DPP10: variants seen among roughly 807,000 people sequenced by gnomAD.
DPP10 encodes inactive dipeptidyl peptidase 10.
DPP10 carries 33 observed loss-of-function variants against 120.9 expected under a neutral mutation model. That is an observed-to-expected ratio of 0.27 (90% CI 0.21 to 0.37). DPP10 has a LOEUF of 0.37. DPP10 is among the 10% of genes least tolerant of loss of function. The pLI, the probability that DPP10 is intolerant of heterozygous loss-of-function variation, is 1.00. For synonymous variants in DPP10, 337 were observed against 326.1 expected (o/e 1.03, Z -0.36); for missense variants, 816 against 942.8 (o/e 0.87, Z 1.76).
intron 1 of DPP10, among the ~76,000 whole-genome samples, chr2:114,996,434 T>C (rs187759531): frequency 1.3e-5 from 2 of 152,352 alleles, no homozygotes; most frequent in African/African-American, 4.8e-5. Context: ...AGACATTTAC[T>C]TTTTAATGTT....
chr2:115,769,657 A>T (rs982673249), intron 13 of DPP10, among the ~76,000 whole-genome samples: 1 of 151,980 alleles, frequency 6.6e-6, no homozygotes, highest in East Asian at 1.9e-4. Flanking sequence ...GCATTTATAG[A>T]TGCATTTATA....
intron 1 of DPP10, among the ~76,000 whole-genome samples, chr2:114,740,350 A>C (rs1422956910): frequency 3.7e-5 from 4 of 108,856 alleles, no homozygotes; most frequent in Admixed American, 2.4e-4. Context: ...CACTCTGGGG[A>C]CTGTTGTGGG....
At chr2:115,588,989 C>A (rs779246912) in intron 5 of DPP10, among the ~76,000 whole-genome samples, 2 of 151,810 alleles carry the variant, frequency 1.3e-5, no homozygotes, top group African/African-American at 4.8e-5. Context: ...ACTTGTAAAA[C>A]GAAAAATTGG....
chr2:115,815,353 C>G (rs927992258), intron 20 of DPP10, among the ~76,000 whole-genome samples: 1 of 152,076 alleles, frequency 6.6e-6, no homozygotes, highest in Admixed American at 6.5e-5. Context: ...AATGTGTGAC[C>G]TAAGAAAGTT....
rs1282090784 is a variant in DPP10 at position 114,583,280 on chromosome 2, C to T, written c.60+140442C>T. 7.2e-5 allele frequency among the ~76,000 whole-genome samples: 11 copies of T among 152,204 alleles called. No homozygotes were observed. The East Asian group carries it at 1.9e-3, about 27-fold the overall frequency. Reference sequence around the variant, plus strand: ...CCTGCCTTGTATTTTTGTTAACAGACTGACAGAAATTGGTGCCTGGCCTAT... The same window carrying T: ...CCTGCCTTGTATTTTTGTTAACAGATTGACAGAAATTGGTGCCTGGCCTAT... On this transcript the variant is annotated intron_variant, in intron 1 of 25. Coordinates refer to ENST00000410059, the MANE Select transcript of DPP10 (RefSeq NM_020868.6).
At chr2:115,534,157 T>G (rs1026058990) in intron 5 of DPP10, among the ~76,000 whole-genome samples, 1 of 152,010 alleles carries the variant, frequency 6.6e-6, no homozygotes, top group African/African-American at 2.4e-5. Context: ...ATGTGCACAA[T>G]GTGCAGGTTA....
In DPP10 at chr2:115,112,110, T is replaced by C. The variant is rs1165570677; in HGVS notation, c.61-197129T>C. On this transcript the variant is annotated intron_variant, in intron 1 of 25. Coordinates refer to ENST00000410059, the MANE Select transcript of DPP10 (RefSeq NM_020868.6). ...CCTTCCCTTCTCTGAAGATAATCTT[T>C]TTCTAATTTATTTCCTTGTTTCTTT... Among the ~76,000 whole-genome samples the C allele has an allele frequency of 2.0e-5, 3 of 152,294 alleles. No homozygotes were observed. In the East Asian group the frequency reaches 5.8e-4, roughly 29 times the overall value.
At chr2:114,614,683 C>T (rs1693547323) in intron 1 of DPP10, among the ~76,000 whole-genome samples, 1 of 152,124 alleles carries the variant, frequency 6.6e-6, no homozygotes. Flanking sequence ...TTTCGGGATA[C>T]TCCGGGAAGT....
chr2:115,838,225 AAG>A (rs1461199517), intron 24 of DPP10, among the ~76,000 whole-genome samples: 1 of 152,164 alleles, frequency 6.6e-6, no homozygotes, highest in African/African-American at 2.4e-5. Context: ...AACATGATGA[AAG>A]AGAGCGTAAA....
intron 1 of DPP10, among the ~76,000 whole-genome samples, chr2:114,890,877 A>G (rs1374886113): frequency 1.3e-5 from 2 of 152,176 alleles, no homozygotes; most frequent in Non-Finnish European, 2.9e-5. Flanking sequence ...ACTGGTTTTC[A>G]GCTGCCAGCA....
At chr2:115,739,708 G>A in intron 8 of DPP10, 31 bp from the exon 9 acceptor site, 1 of 1,609,188 alleles carries the variant, frequency 6.2e-7, no homozygotes, top group Non-Finnish European at 8.5e-7. Flanking sequence ...CATCTCTACA[G>A]TTGGTCTCAA....
At chr2:115,414,564 T>C (rs1521074) in intron 3 of DPP10, among the ~76,000 whole-genome samples, 4 of 152,170 alleles carry the variant, frequency 2.6e-5, no homozygotes, top group South Asian at 2.1e-4. Context: ...GAAACTGATA[T>C]GTATTTTTTT....
At chr2:115,344,610 G>A (rs1379823169) in intron 3 of DPP10, among the ~76,000 whole-genome samples, 1 of 151,898 alleles carries the variant, frequency 6.6e-6, no homozygotes, top group African/African-American at 2.4e-5. Context: ...GTTCTCTTAA[G>A]TCAATCTCTG....
chr2:114,760,521 T>C (rs1680186962), intron 1 of DPP10, among the ~76,000 whole-genome samples: 1 of 151,132 alleles, frequency 6.6e-6, no homozygotes, highest in Admixed American at 6.6e-5. Context: ...TTCCTTACTG[T>C]TTTTTATCTA....
chr2:115,476,148 T>C (rs1429765241), intron 3 of DPP10, among the ~76,000 whole-genome samples: 1 of 152,164 alleles, frequency 6.6e-6, no homozygotes, highest in African/African-American at 2.4e-5. Context: ...CCAAATCTCA[T>C]GTGGAATTGT....
At chr2:114,531,985 G>A (rs1461207522) in intron 1 of DPP10, among the ~76,000 whole-genome samples, 3 of 151,828 alleles carry the variant, frequency 2.0e-5, no homozygotes, top group Non-Finnish European at 4.4e-5. Context: ...AATCCACTGA[G>A]GGGCGAAATA....
At chr2:114,949,170 G>A (rs529386690) in intron 1 of DPP10, among the ~76,000 whole-genome samples, 26 of 152,072 alleles carry the variant, frequency 1.7e-4, no homozygotes, top group East Asian at 5.8e-4. Flanking sequence ...TGATGCACCC[G>A]CCTCGGCCTC....
chr2:114,644,463 C>A (rs1336575324), intron 1 of DPP10, among the ~76,000 whole-genome samples: 1 of 151,670 alleles, frequency 6.6e-6, no homozygotes, highest in Non-Finnish European at 1.5e-5. Flanking sequence ...ACTCCTCTCT[C>A]TTGATTATTA....
intron 3 of DPP10, among the ~76,000 whole-genome samples, chr2:115,404,689 G>A (rs895027449): frequency 1.3e-5 from 2 of 152,120 alleles, no homozygotes; most frequent in Non-Finnish European, 2.9e-5. Context: ...GCAACATTGG[G>A]AAGCCACATT....
Sources: gnomAD v4.1 joint callset for allele counts (sites outside exome capture counted in the v4.1 genomes callset) on GRCh38, gnomAD v4.1.1 for gene constraint, MANE v1.5 for transcripts, NCBI Gene and HGNC (gene_info 2026-07-23, HGNC 2026-07-21) for gene names.